Variants in GADD45A observed in about 807,000 individuals in gnomAD.
GADD45A encodes the protein growth arrest and DNA damage inducible alpha.
In GADD45A, 9 loss-of-function variants were observed where a neutral mutation model predicts 17.7. The observed-to-expected ratio is 0.51, with a 90% CI of 0.31 to 0.89. GADD45A has a LOEUF of 0.89. Among genes scored for constraint, GADD45A ranks in the 40% least tolerant of loss-of-function variants. The pLI, the probability that GADD45A is intolerant of heterozygous loss-of-function variation, is 0.05. For missense variants in GADD45A, 149 were observed against 220.6 expected (o/e 0.68, Z 2.06); for synonymous variants, 95 against 92.2 (o/e 1.03, Z -0.17).
rs1307327071 is a variant in GADD45A, at chr1:67,687,924, G to C, written c.*150G>C. On this transcript the variant is annotated 3_prime_UTR_variant, in exon 4 of 4. Transcript: ENST00000370986. ...GTGAGTTCAACTACATGTTCTGGGGGCCCGGAGATAGATGACTTTGCAGAT... is the reference window on the plus strand; with the variant it reads ...GTGAGTTCAACTACATGTTCTGGGGCCCCGGAGATAGATGACTTTGCAGAT... 1 of 521,746 alleles carries C rather than the reference G, an allele frequency of 1.9e-6. No individual in the cohort carries two copies. The highest frequency in any genetic ancestry group is 1.9e-5 in the African/African-American group (1 of 52,952). The allele number at this position is 521,746 out of a possible 1,614,324, so 32.3% of individuals were successfully genotyped here. A position where few individuals can be genotyped will look rare whatever the true frequency, so the allele number is the denominator to read the frequency against.
chr1:67,686,738 A>G lies in GADD45A; in HGVS notation c.384+151A>G, dbSNP rs1646136984. On this transcript the variant is annotated intron_variant, in intron 3 of 3. Coordinates refer to ENST00000370986, the MANE Select transcript of GADD45A (RefSeq NM_001924.4). ...GAGTGTGGCTGGACTTTCAGCCGAGATGTGCTAGTTTCATCACCAGGATTT... is the reference window on the plus strand; with the variant it reads ...GAGTGTGGCTGGACTTTCAGCCGAGGTGTGCTAGTTTCATCACCAGGATTT... 1.1e-5 allele frequency: 7 copies of G among 649,344 alleles called. No individual in the cohort carries two copies. The East Asian group carries it at 1.9e-4, about 18-fold the overall frequency. 40.2% of individuals were successfully genotyped at this position (649,344 alleles called of 1,614,324 possible).
rs1646149756 is a variant in GADD45A, at chr1:67,688,329, G to A, written c.*555G>A. ...CTACAATAAACTGGTATGAATAATTGCATCATTTCTTATTGTGTGCTCTTG... is the reference window on the plus strand; with the variant it reads ...CTACAATAAACTGGTATGAATAATTACATCATTTCTTATTGTGTGCTCTTG... On this transcript the variant is annotated 3_prime_UTR_variant, in exon 4 of 4. Coordinates refer to ENST00000370986, the MANE Select transcript of GADD45A (RefSeq NM_001924.4). 1.3e-5 allele frequency: 2 copies of A among 152,674 alleles called. No individual in the cohort carries two copies. Among genetic ancestry groups the A allele is most frequent in the African/African-American group, 4.8e-5 (2 of 41,388 alleles). 9.5% of individuals were successfully genotyped at this position (152,674 alleles called of 1,614,324 possible). A position where few individuals can be genotyped will look rare whatever the true frequency, so the allele number is the denominator to read the frequency against.
intron 1 of GADD45A, 193 bp from the exon 2 acceptor site, chr1:67,685,832 G>C (rs967092090): frequency 3.4e-6 from 2 of 593,920 alleles, no homozygotes; most frequent in Non-Finnish European, 3.0e-6. Context: ...GACTTCTCAC[G>C]GGACGCCCGG....
At chr1:67,685,708 G>A (rs1646128221) in intron 1 of GADD45A, 170 bp downstream of exon 1, 4 of 696,532 alleles carry the variant, frequency 5.7e-6, no homozygotes, top group African/African-American at 1.8e-5. Context: ...CGGACTGAAA[G>A]AGCGTGCCCC....
Position 67,687,864 on chromosome 1 carries a change from TGC to T in GADD45A, c.*91_*92del, listed in dbSNP as rs1237174927. 3 of 840,570 alleles carry T rather than the reference TGC, an allele frequency of 3.6e-6. No homozygotes were observed. In the African/African-American group the frequency reaches 5.0e-5, roughly 14 times the overall value. The allele number at this position is 840,570 out of a possible 1,614,324, so 52.1% of individuals were successfully genotyped here. A position where few individuals can be genotyped will look rare whatever the true frequency, so the allele number is the denominator to read the frequency against. The stretch of plus-strand genomic sequence containing the variant: ...CTCAAGCAGTTACTCCCTACACTGA[TGC>T]AAGGATTACAGAAACTGATGCCAAG... On this transcript the variant is annotated 3_prime_UTR_variant, in exon 4 of 4. Transcript: ENST00000370986.
intron 3 of GADD45A, among the ~76,000 whole-genome samples, chr1:67,687,328 G>A (rs990778981): frequency 2.0e-5 from 3 of 152,276 alleles, no homozygotes; most frequent in East Asian, 3.9e-4. Context: ...TCTCAAAACT[G>A]TTTCACTCAG....
In GADD45A at chr1:67,686,338, C is replaced by T. The variant is rs747402003; in HGVS notation, c.147-12C>T. On this transcript the variant is annotated splice_polypyrimidine_tract_variant and intron_variant, in intron 2 of 3. Transcript: ENST00000370986. The stretch of plus-strand genomic sequence containing the variant: ...CGCTTCTGCGCTCACTGGCCCCGCC[C>T]GCTGCCCCCAGCGACCCCGATAACG... 1.6e-5 allele frequency: 26 copies of T among 1,608,774 alleles called. No individual in the cohort carries two copies. In the East Asian group the frequency reaches 3.1e-4, roughly 19 times the overall value.
Position 67,685,554 on chromosome 1 carries a change from GA to G in GADD45A, c.44+17del. 2 of 1,599,866 alleles carry G rather than the reference GA, an allele frequency of 1.3e-6. No homozygotes were observed. The highest frequency in any genetic ancestry group is 1.7e-4 in the Middle Eastern group (1 of 6,046). ...AGACCGAAAGGTGAGTCGGCCTGCG[GA>G]CTCTTCCGGCCCGAACTTCTCTTAC... On this transcript the variant is annotated intron_variant, in intron 1 of 3. Transcript: ENST00000370986.
At position 67,687,855 on chromosome 1, in the gene GADD45A, C is replaced by G. The variant is rs1419889709; in HGVS notation, c.*81C>G. ...TTGTAGTTACTCAAGCAGTTACTCC[C>G]TACACTGATGCAAGGATTACAGAAA... is the stretch of plus-strand genomic sequence containing the variant. On this transcript the variant is annotated 3_prime_UTR_variant, in exon 4 of 4. Transcript: ENST00000370986. The G allele has an allele frequency of 3.4e-6, 3 of 892,478 alleles. No homozygotes were observed. Among genetic ancestry groups the G allele is most frequent in the Admixed American group, 1.8e-5 (1 of 56,432 alleles). 55.3% of individuals were successfully genotyped at this position (892,478 alleles called of 1,614,324 possible).
Position 67,685,344 on chromosome 1 carries a change from G to A in GADD45A, c.-151G>A. 2 of 621,166 alleles carry A rather than the reference G, an allele frequency of 3.2e-6. No individual in the cohort carries two copies. Among genetic ancestry groups the A allele is most frequent in the East Asian group, 3.3e-5 (1 of 30,430 alleles). The allele number at this position is 621,166 out of a possible 1,614,324, so 38.5% of individuals were successfully genotyped here. On this transcript the variant is annotated 5_prime_UTR_variant, in exon 1 of 4. Coordinates refer to ENST00000370986, the MANE Select transcript of GADD45A (RefSeq NM_001924.4). ...GCGGCTGGCACAGGAGGAGGAGCCC[G>A]GGCGGGCGAGGGGCGGCCGGAGAGC...
At chr1:67,685,675 C>T (rs1051816941) in intron 1 of GADD45A, 137 bp downstream of exon 1, 37 of 820,226 alleles carry the variant, frequency 4.5e-5, no homozygotes, top group Non-Finnish European at 7.0e-5. Flanking sequence ...CTTGCTCCCT[C>T]GGGACTCTCC....
rs1327550627 is a variant in GADD45A at position 67,685,342 on chromosome 1, C to A, written c.-153C>A. On this transcript the variant is annotated 5_prime_UTR_variant, in exon 1 of 4. Coordinates refer to ENST00000370986, the MANE Select transcript of GADD45A (RefSeq NM_001924.4). Reference sequence around the variant, plus strand: ...CGGCGGCTGGCACAGGAGGAGGAGCCCGGGCGGGCGAGGGGCGGCCGGAGA... The same window carrying A: ...CGGCGGCTGGCACAGGAGGAGGAGCACGGGCGGGCGAGGGGCGGCCGGAGA... 9.7e-6 allele frequency: 6 copies of A among 617,720 alleles called. No homozygotes were observed. The East Asian group carries it at 1.3e-4, about 14-fold the overall frequency. The allele number at this position is 617,720 out of a possible 1,614,324, so 38.3% of individuals were successfully genotyped here.
chr1:67,686,774 A>G (rs1646137164), intron 3 of GADD45A, among the ~76,000 whole-genome samples, 187 bp downstream of exon 3: 1 of 152,240 alleles, frequency 6.6e-6, no homozygotes, highest in African/African-American at 2.4e-5. Context: ...TCTGTGGTAC[A>G]GAACATGTCT....
chr1:67,688,084 C>A lies in GADD45A; in HGVS notation c.*310C>A, dbSNP rs577541931. On this transcript the variant is annotated 3_prime_UTR_variant, in exon 4 of 4. Coordinates refer to ENST00000370986, the MANE Select transcript of GADD45A (RefSeq NM_001924.4). ...AATGGTTGAGTTACATTAAAATAAA[C>A]CAAATATGTTAAAGTTTAAGTGTGC... The A allele has an allele frequency of 5.8e-5, 14 of 241,368 alleles. No homozygotes were observed. The South Asian group carries it at 1.7e-3, about 29-fold the overall frequency. 15.0% of individuals were successfully genotyped at this position (241,368 alleles called of 1,614,324 possible).
chr1:67,686,957 C>T (rs1430454344), intron 3 of GADD45A, among the ~76,000 whole-genome samples: 4 of 152,218 alleles, frequency 2.6e-5, no homozygotes, highest in Admixed American at 1.3e-4. Flanking sequence ...CAGCTTCATT[C>T]TCTGCCAGTC....
In GADD45A at chr1:67,687,892, G is replaced by A; in HGVS notation, c.*118G>A. On this transcript the variant is annotated 3_prime_UTR_variant, in exon 4 of 4. Coordinates refer to ENST00000370986, the MANE Select transcript of GADD45A (RefSeq NM_001924.4). ...AAGGATTACAGAAACTGATGCCAAG[G>A]GGCTGAGTGAGTTCAACTACATGTT... is the stretch of plus-strand genomic sequence containing the variant. 1 of 664,000 alleles carries A rather than the reference G, an allele frequency of 1.5e-6. No individual in the cohort carries two copies. Among genetic ancestry groups the A allele is most frequent in the Non-Finnish European group, 2.7e-6 (1 of 374,406 alleles). 41.1% of individuals were successfully genotyped at this position (664,000 alleles called of 1,614,324 possible). A position where few individuals can be genotyped will look rare whatever the true frequency, so the allele number is the denominator to read the frequency against.
Position 67,686,551 on chromosome 1 carries a change from C to G in GADD45A, c.348C>G (p.Ala116=), listed in dbSNP as rs572935432. 2.5e-6 allele frequency: 4 copies of G among 1,612,126 alleles called. No individual in the cohort carries two copies. Among genetic ancestry groups the G allele is most frequent in the African/African-American group, 1.3e-5 (1 of 75,040 alleles). ...CTGGCCCCGCGGCGAGCGAGGGCGC[C>G]GAGCAGCCCCCGGACCTGCACTGCG... The part of the protein sequence containing the change: ...TDAGPAASEG[A]EQPPDLHCVL... The change falls in exon 3 of 4, where the codon GCC becomes GCG. Residue 116 remains alanine (A), a synonymous_variant. Coordinates refer to ENST00000370986, the MANE Select transcript of GADD45A (RefSeq NM_001924.4).
At chr1:67,686,245 C>A in intron 2 of GADD45A, 105 bp from the exon 3 acceptor site, 2 of 1,377,096 alleles carry the variant, frequency 1.5e-6, no homozygotes, top group East Asian at 2.5e-5. Context: ...CTGCCTGTCT[C>A]GGAAGGGAGG....
chr1:67,685,243 TGTC>T lies in GADD45A; in HGVS notation c.-249_-247del, dbSNP rs1646123596. The T allele has an allele frequency of 2.0e-6, 1 of 499,116 alleles. No individual in the cohort carries two copies. 30.9% of individuals were successfully genotyped at this position (499,116 alleles called of 1,614,324 possible). A position where few individuals can be genotyped will look rare whatever the true frequency, so the allele number is the denominator to read the frequency against. On this transcript the variant is annotated 5_prime_UTR_variant, in exon 1 of 4. Transcript: ENST00000370986. The stretch of plus-strand genomic sequence containing the variant: ...GGCTGGGAGGCAGCGGCCCAATTAG[TGTC>T]GTGCGGCCCGTGGCGAGGCGAGGTC...
Sources: gnomAD v4.1 joint callset for allele counts (sites outside exome capture counted in the v4.1 genomes callset) on GRCh38, gnomAD v4.1.1 for gene constraint, MANE v1.5 for transcripts, NCBI Gene and HGNC (gene_info 2026-07-23, HGNC 2026-07-21) for gene names.